IQSEC1: variants seen among roughly 807,000 people sequenced by gnomAD.
The protein encoded by IQSEC1 is IQ motif and Sec7 domain ArfGEF 1.
Under a neutral mutation model 91.0 loss-of-function variants are expected in IQSEC1, and 31 were observed. The observed-to-expected ratio is 0.34, with a 90% CI of 0.26 to 0.46. The LOEUF is 0.46. IQSEC1 is among the 20% of genes least tolerant of loss of function. The pLI is 1.00. For missense variants in IQSEC1, 1,388 were observed against 1,575.6 expected (o/e 0.88, Z 2.02); for synonymous variants, 699 against 662.6 (o/e 1.05, Z -0.84).
intron 1 of IQSEC1, among the ~76,000 whole-genome samples, chr3:12,995,700 C>T (rs913859061): frequency 6.6e-6 from 1 of 152,178 alleles, no homozygotes; most frequent in Non-Finnish European, 1.5e-5. Context: ...GTGACAGAGA[C>T]GAATAAGGAA....
At position 12,915,725 on chromosome 3, in the gene IQSEC1, C is replaced by T. The variant is rs778893195; in HGVS notation, c.2029G>A (p.Asp677Asn). ...DFIKNLRGVDDGEDIPREMLM... is the reference protein window; with the variant it reads ...DFIKNLRGVDNGEDIPREMLM... The stretch of plus-strand genomic sequence containing the variant: ...ATCTCACGGGGAATGTCCTCACCAT[C>T]GTCCACACCTGGGTAGGGGATGCAG... Residue 677 changes from aspartate to asparagine, a missense_variant, in exon 7 of 14, where the codon GAT (aspartate) becomes AAT (asparagine). By Grantham distance (23) the Asp-to-Asn change is conservative (BLOSUM62 1). This residue lies in a region of IQSEC1 where 1,059 missense variants were observed against 1,317.8 expected (regional missense o/e 0.80). Transcript: ENST00000613206. The T allele has an allele frequency of 4.3e-6, 7 of 1,614,048 alleles. No homozygotes were observed. The highest frequency in any genetic ancestry group is 1.7e-5 in the Admixed American group (1 of 60,024).
intron 1 of IQSEC1, among the ~76,000 whole-genome samples, chr3:13,184,582 C>A (rs1339041754): frequency 6.6e-6 from 1 of 152,150 alleles, no homozygotes; most frequent in Admixed American, 6.5e-5. Flanking sequence ...AACGTCACCC[C>A]ACAGGTCCTA....
chr3:12,952,969 C>T (rs138569835), intron 1 of IQSEC1, among the ~76,000 whole-genome samples: 3 of 152,164 alleles, frequency 2.0e-5, no homozygotes, highest in Admixed American at 6.5e-5. Flanking sequence ...AGGTCGGGCT[C>T]GTGGGTGGGC....
chr3:13,095,910 T>G (rs1297515895), intron 2 of IQSEC1, among the ~76,000 whole-genome samples: 1 of 152,176 alleles, frequency 6.6e-6, no homozygotes, highest in African/African-American at 2.4e-5. Context: ...ACCTCATGCA[T>G]TCACTGATTT....
At chr3:13,093,404 A>C (rs1449209752) in intron 2 of IQSEC1, among the ~76,000 whole-genome samples, 1 of 152,062 alleles carries the variant, frequency 6.6e-6, no homozygotes, top group Non-Finnish European at 1.5e-5. Context: ...TGCAGAGTTT[A>C]TGTCCTCACC....
At chr3:13,083,828 C>T (rs1459284048) in intron 2 of IQSEC1, among the ~76,000 whole-genome samples, 2 of 152,280 alleles carry the variant, frequency 1.3e-5, no homozygotes, top group Admixed American at 6.5e-5. Flanking sequence ...GTCTCCCCAG[C>T]ACCTTGTGCG....
At chr3:13,024,156 T>C (rs1469897930) in intron 1 of IQSEC1, among the ~76,000 whole-genome samples, 2 of 152,376 alleles carry the variant, frequency 1.3e-5, no homozygotes, top group Admixed American at 1.3e-4. Context: ...ATGTCTTTTG[T>C]GGGTGGAAGT....
At position 12,908,366 on chromosome 3, in the gene IQSEC1, C is replaced by T. The variant is rs201498408; in HGVS notation, c.2738G>A (p.Arg913Gln). ...LKRSALSSSL[R>Q]DLSEAGKRGR... ...GCTCTTACCGGCTTCCGAGAGGTCCCGCAGGGAGCTGCTGAGGGCGCTGCG... is the reference window on the plus strand; with the variant it reads ...GCTCTTACCGGCTTCCGAGAGGTCCTGCAGGGAGCTGCTGAGGGCGCTGCG... Residue 913 changes from arginine to glutamine, a missense_variant, in exon 12 of 14, where the codon CGG becomes CAG. This residue lies in a region of IQSEC1 where 1,059 missense variants were observed against 1,317.8 expected (regional missense o/e 0.80). Transcript: ENST00000613206. The surrounding 1 kb of genome is among the most constrained non-coding windows in gnomAD (Gnocchi z 4.9). 2.0e-5 allele frequency: 32 copies of T among 1,611,844 alleles called. No individual in the cohort carries two copies. The highest frequency in any genetic ancestry group is 4.4e-5 in the South Asian group (4 of 91,010).
intron 1 of IQSEC1, among the ~76,000 whole-genome samples, chr3:13,013,678 C>T (rs1039348733): frequency 5.3e-5 from 8 of 152,152 alleles, no homozygotes; most frequent in Non-Finnish European, 1.2e-4. Flanking sequence ...GCATGCATTG[C>T]GTTAGTCATA....
chr3:13,188,811 G>C (rs981099225), intron 1 of IQSEC1, among the ~76,000 whole-genome samples: 13 of 152,248 alleles, frequency 8.5e-5, no homozygotes, highest in African/African-American at 3.1e-4. Flanking sequence ...CTGAGAGAGG[G>C]AAAGAGACAG....
chr3:13,247,420 G>A (rs1397867650), intron 1 of IQSEC1, among the ~76,000 whole-genome samples: 1 of 152,246 alleles, frequency 6.6e-6, no homozygotes, highest in East Asian at 1.9e-4. Context: ...GCACCTGGAT[G>A]AATGTTGCGG....
chr3:13,242,779 C>T (rs960288033), intron 1 of IQSEC1, among the ~76,000 whole-genome samples: 1 of 152,022 alleles, frequency 6.6e-6, no homozygotes, highest in African/African-American at 2.4e-5. Flanking sequence ...GGCTTCACGT[C>T]ACCGGGACTG....
At chr3:12,974,019 T>C (rs183029941) in intron 1 of IQSEC1, among the ~76,000 whole-genome samples, 6 of 152,334 alleles carry the variant, frequency 3.9e-5, no homozygotes, top group Admixed American at 3.3e-4. Context: ...GCAGCTGTTA[T>C]GGTGCCATTA....
chr3:13,191,147 G>C (rs972405083), intron 1 of IQSEC1, among the ~76,000 whole-genome samples: 3 of 152,198 alleles, frequency 2.0e-5, no homozygotes. Context: ...CCCTCGATTT[G>C]ACACTAAGAC....
At chr3:13,081,734 G>A (rs555967878) in intron 2 of IQSEC1, among the ~76,000 whole-genome samples, 88 of 152,326 alleles carry the variant, frequency 5.8e-4, no homozygotes, top group Non-Finnish European at 1.0e-3. Context: ...ACCAGTGCAC[G>A]GGGTGGAGTC....
chr3:13,010,606 T>C (rs942761563), intron 1 of IQSEC1, among the ~76,000 whole-genome samples: 2 of 152,176 alleles, frequency 1.3e-5, no homozygotes, highest in African/African-American at 4.8e-5. Flanking sequence ...CGAATCCAAC[T>C]GTACCTGAAG....
chr3:13,267,678 C>T (rs1695518189), intron 1 of IQSEC1, among the ~76,000 whole-genome samples: 1 of 150,242 alleles, frequency 6.7e-6, no homozygotes. Flanking sequence ...AGTGCAGGGG[C>T]ACCATCTCCG....
intron 2 of IQSEC1, among the ~76,000 whole-genome samples, chr3:13,081,966 C>T (rs540563979): frequency 4.1e-4 from 62 of 152,284 alleles, no homozygotes; most frequent in Non-Finnish European, 7.1e-4. Flanking sequence ...CTGCAGGGGT[C>T]GGTAGAGTGG....
At chr3:13,273,297 A>G (rs920880502) in intron 1 of IQSEC1, among the ~76,000 whole-genome samples, 3 of 152,150 alleles carry the variant, frequency 2.0e-5, no homozygotes, top group Non-Finnish European at 4.4e-5. Flanking sequence ...GGCCAGCCCA[A>G]GGGAAGTGAA....
Sources: gnomAD v4.1 joint callset for allele counts (sites outside exome capture counted in the v4.1 genomes callset) on GRCh38, gnomAD v4.1.1 for gene constraint, gnomAD v4.1.1 regional missense constraint, Gnocchi (gnomAD v3.1) non-coding constraint, MANE v1.5 for transcripts, NCBI Gene and HGNC (gene_info 2026-07-23, HGNC 2026-07-21) for gene names.